The following AAK1 variants were observed in gnomAD, a reference collection of about 807,000 sequenced individuals.
AAK1 encodes AP2 associated kinase 1, also known as AP2-associated protein kinase 1.
A neutral mutation model predicts 116.0 loss-of-function variants in AAK1; 37 were observed. The observed-to-expected ratio is 0.32, with a 90% CI of 0.25 to 0.42. The LOEUF is 0.42. Among genes scored for constraint, AAK1 ranks in the 10% least tolerant of loss-of-function variants. The pLI, the probability that AAK1 is intolerant of heterozygous loss-of-function variation, is 1.00. For synonymous variants in AAK1, 458 were observed against 439.9 expected (o/e 1.04, Z -0.51); for missense variants, 919 against 1,170.6 (o/e 0.79, Z 3.14).
chr2:69,497,685 G>GA (rs111573375), intron 16 of AAK1, among the ~76,000 whole-genome samples: 22 of 144,830 alleles, frequency 1.5e-4, no homozygotes, highest in East Asian at 4.0e-4. Context: ...TGTCTTTCTA[G>GA]AAAAAAAAAA....
At position 69,460,067 on chromosome 2, in the gene AAK1, T is replaced by C. The variant is rs1224867905; in HGVS notation, c.*15802A>G. On this transcript the variant is annotated 3_prime_UTR_variant, in exon 22 of 22. Coordinates refer to ENST00000409085, the MANE Select transcript of AAK1 (RefSeq NM_014911.5). ...CTGCCTCCTCAGAAGCTACAGTCTTTTCTGCAGCTCTCTTATGTACCTCTC... is the reference window on the plus strand; with the variant it reads ...CTGCCTCCTCAGAAGCTACAGTCTTCTCTGCAGCTCTCTTATGTACCTCTC... 2.0e-5 allele frequency: 3 copies of C among 152,228 alleles called. No individual in the cohort carries two copies. Among genetic ancestry groups the C allele is most frequent in the Non-Finnish European group, 4.4e-5 (3 of 68,046 alleles). The allele number at this position is 152,228 out of a possible 1,614,324, so 9.4% of individuals were successfully genotyped here.
intron 16 of AAK1, among the ~76,000 whole-genome samples, chr2:69,498,498 G>A (rs939285622): frequency 9.2e-5 from 14 of 152,042 alleles, no homozygotes; most frequent in Non-Finnish European, 1.6e-4. Context: ...GTGGCTGACC[G>A]GGCCTCTTTC....
At chr2:69,611,085 G>A (rs1225619068) in intron 2 of AAK1, among the ~76,000 whole-genome samples, 1 of 152,156 alleles carries the variant, frequency 6.6e-6, no homozygotes, top group African/African-American at 2.4e-5. Flanking sequence ...CTAGATGGCT[G>A]GTGAGGCAGT....
At chr2:69,559,616 A>G (rs1671546118) in intron 2 of AAK1, among the ~76,000 whole-genome samples, 2 of 152,220 alleles carry the variant, frequency 1.3e-5, no homozygotes, top group South Asian at 2.1e-4. Context: ...GCACTCCTAG[A>G]GAGTATTAAG....
chr2:69,558,858 C>T (rs1671506038), intron 2 of AAK1, among the ~76,000 whole-genome samples: 1 of 152,210 alleles, frequency 6.6e-6, no homozygotes, highest in Non-Finnish European at 1.5e-5. Flanking sequence ...CCCCAAGGCT[C>T]AGCGGCACTT....
rs558418905 is a variant in AAK1 at position 69,487,726 on chromosome 2, T to C, written c.2366-4914A>G. Among the ~76,000 whole-genome samples, 6 of 152,188 alleles carry C rather than the reference T, an allele frequency of 3.9e-5. No individual in the cohort carries two copies. In the East Asian group the frequency reaches 1.2e-3, roughly 29 times the overall value. ...CCTATGAAATGTTTGTGAAAAGCAATTGGACAATTCTGAAGAGAAGAAAAT... is the reference window on the plus strand; with the variant it reads ...CCTATGAAATGTTTGTGAAAAGCAACTGGACAATTCTGAAGAGAAGAAAAT... On this transcript the variant is annotated intron_variant, in intron 17 of 21. Coordinates refer to ENST00000409085, the MANE Select transcript of AAK1 (RefSeq NM_014911.5).
At position 69,542,539 on chromosome 2, in the gene AAK1, A is replaced by G. The variant is rs754605214; in HGVS notation, c.518T>C (p.Ile173Thr). Residue 173 changes from isoleucine to threonine, a missense_variant, in exon 5 of 22, where the codon ATC (isoleucine) becomes ACC (threonine). Ile to Thr is a moderately conservative substitution (Grantham distance 89). Transcript: ENST00000409085. ...GGTCTGTACCTTCAGGTCCCGGTGGATAATAGGAGTTTTGCACTGATGCAG... is the reference window on the plus strand; with the variant it reads ...GGTCTGTACCTTCAGGTCCCGGTGGGTAATAGGAGTTTTGCACTGATGCAG... ...ARLHQCKTPI[I>T]HRDLKVENIL... 5 of 1,613,756 alleles carry G rather than the reference A, an allele frequency of 3.1e-6. No individual in the cohort carries two copies. In the Admixed American group the frequency reaches 5.0e-5, roughly 16 times the overall value.
intron 2 of AAK1, among the ~76,000 whole-genome samples, chr2:69,606,579 G>A (rs1379515739): frequency 6.6e-6 from 1 of 152,166 alleles, no homozygotes; most frequent in Non-Finnish European, 1.5e-5. Context: ...ACATCGTCCT[G>A]CTGCCGCTGA....
At chr2:69,627,063 G>A (rs976101977) in intron 2 of AAK1, among the ~76,000 whole-genome samples, 29 of 151,942 alleles carry the variant, frequency 1.9e-4, no homozygotes, top group Non-Finnish European at 3.4e-4. Flanking sequence ...CGAGGCGGGT[G>A]GATCTCCTGA....
In AAK1 at chr2:69,468,750, C is replaced by T; in HGVS notation, c.*7119G>A. On this transcript the variant is annotated 3_prime_UTR_variant, in exon 22 of 22. Transcript: ENST00000409085. Reference sequence around the variant, plus strand: ...TTTGGATGCCTGAAGTGCTAGATTACATTTTGAGAACTAGGAAGTACCAAG... The same window carrying T: ...TTTGGATGCCTGAAGTGCTAGATTATATTTTGAGAACTAGGAAGTACCAAG... 2.0e-6 allele frequency: 2 copies of T among 985,396 alleles called. No homozygotes were observed. The highest frequency in any genetic ancestry group is 2.4e-6 in the Non-Finnish European group (2 of 829,928). The allele number at this position is 985,396 out of a possible 1,614,324, so 61.0% of individuals were successfully genotyped here.
chr2:69,629,564 G>C (rs147377832), intron 2 of AAK1, among the ~76,000 whole-genome samples: 61 of 152,264 alleles, frequency 4.0e-4, no homozygotes, highest in African/African-American at 1.4e-3. Flanking sequence ...AGATTCAATA[G>C]TTCTTATTGT....
intron 2 of AAK1, among the ~76,000 whole-genome samples, chr2:69,628,487 C>T (rs1675012711): frequency 6.6e-6 from 1 of 152,040 alleles, no homozygotes. Flanking sequence ...AGTGATATAT[C>T]CAAGATCACT....
At chr2:69,568,772 C>T (rs1016547038) in intron 2 of AAK1, among the ~76,000 whole-genome samples, 9 of 152,250 alleles carry the variant, frequency 5.9e-5, no homozygotes, top group South Asian at 2.1e-4. Context: ...AGCAGGCTGA[C>T]GTTTTCTTAG....
At chr2:69,530,533 C>T in intron 7 of AAK1, 92 bp downstream of exon 7, 1 of 1,058,952 alleles carries the variant, frequency 9.4e-7, no homozygotes. Context: ...GGTACAGTAG[C>T]CACCATGCTA....
intron 2 of AAK1, among the ~76,000 whole-genome samples, chr2:69,578,669 C>T (rs1672416685): frequency 6.6e-6 from 1 of 152,170 alleles, no homozygotes; most frequent in African/African-American, 2.4e-5. Flanking sequence ...GCTTCCCCTC[C>T]TGTCTCTAGA....
At chr2:69,502,022 GA>G (rs1342272596) in intron 16 of AAK1, among the ~76,000 whole-genome samples, 1 of 151,786 alleles carries the variant, frequency 6.6e-6, no homozygotes, top group African/African-American at 2.4e-5. Flanking sequence ...AAAAGGTAAA[GA>G]ATAAAAAAGA....
intron 2 of AAK1, among the ~76,000 whole-genome samples, chr2:69,566,093 T>C (rs995566277): frequency 2.0e-5 from 3 of 152,184 alleles, no homozygotes; most frequent in African/African-American, 4.8e-5. Context: ...GTCCTCTCCA[T>C]GGTGAGAACT....
intron 2 of AAK1, among the ~76,000 whole-genome samples, chr2:69,587,453 A>G (rs28600679): frequency 2.0e-5 from 3 of 146,390 alleles, no homozygotes; most frequent in African/African-American, 5.3e-5. Flanking sequence ...ATATGTATAT[A>G]TGTGTGTGTA....
rs1168025280 is a variant in AAK1, at chr2:69,464,525, A to C, written c.*11344T>G. ...TACTTTGCCATGAGAAAAAAACTAA[A>C]TAAATAAAATGGGGTTCAAGTCAGT... On this transcript the variant is annotated 3_prime_UTR_variant, in exon 22 of 22. Coordinates refer to ENST00000409085, the MANE Select transcript of AAK1 (RefSeq NM_014911.5). The C allele has an allele frequency of 1.3e-5, 2 of 152,626 alleles. No homozygotes were observed. Among genetic ancestry groups the C allele is most frequent in the Non-Finnish European group, 2.9e-5 (2 of 68,034 alleles). The allele number at this position is 152,626 out of a possible 1,614,324, so 9.5% of individuals were successfully genotyped here.
Sources: allele counts gnomAD v4.1 joint callset (sites outside exome capture counted in the v4.1 genomes callset), GRCh38; gene constraint gnomAD v4.1.1; transcripts MANE v1.5; gene names NCBI Gene and HGNC (gene_info 2026-07-23, HGNC 2026-07-21).